CTCF: variants seen among roughly 807,000 people sequenced by gnomAD.
The protein encoded by CTCF is CCCTC-binding factor, also known as transcriptional repressor CTCF.
In CTCF, 7 loss-of-function variants were observed where a neutral mutation model predicts 72.3. That is an observed-to-expected ratio of 0.10 (90% CI 0.06 to 0.18). CTCF has a LOEUF of 0.18. Ranked by LOEUF, CTCF falls within the 10% of genes least tolerant of loss-of-function variation. CTCF has a pLI of 1.00. For synonymous variants in CTCF, 374 were observed against 315.8 expected, an observed-to-expected ratio of 1.18 and a Z score of -1.95; for missense variants, 516 against 949.1, an observed-to-expected ratio of 0.54 and a Z score of 6.00.
intron 1 of CTCF, among the ~76,000 whole-genome samples, chr16:67,569,977 T>C (rs2051392481): frequency 6.6e-6 from 1 of 152,214 alleles, no homozygotes; most frequent in Non-Finnish European, 1.5e-5. Flanking sequence ...AAGCATAGCC[T>C]TTACTTGTGG....
intron 1 of CTCF, among the ~76,000 whole-genome samples, chr16:67,565,674 A>C (rs2051333833): frequency 8.2e-6 from 1 of 122,260 alleles, no homozygotes; most frequent in Non-Finnish European, 1.6e-5. Flanking sequence ...CTCTTATCTC[A>C]AAAAAAAAAA....
chr16:67,637,880 G>A lies in CTCF; in HGVS notation c.*8G>A. On this transcript the variant is annotated 3_prime_UTR_variant, in exon 12 of 12. Coordinates refer to ENST00000264010, the MANE Select transcript of CTCF (RefSeq NM_006565.4). ...AGCATGATGGACCGGTGATGGCGGA[G>A]CCTTGTGCGTCGCCAGGACTTCTCT... The A allele has an allele frequency of 6.3e-7, 1 of 1,598,120 alleles. No homozygotes were observed. The highest frequency in any genetic ancestry group is 8.5e-7 in the Non-Finnish European group (1 of 1,170,972).
chr16:67,593,752 C>T (rs2051776550), intron 2 of CTCF, among the ~76,000 whole-genome samples: 1 of 151,980 alleles, frequency 6.6e-6, no homozygotes, highest in Admixed American at 6.6e-5. Context: ...ATCAGTTGCC[C>T]CTTATAATGG....
intron 6 of CTCF, 33 bp from the exon 7 acceptor site, chr16:67,621,409 C>G: frequency 6.7e-7 from 1 of 1,484,002 alleles, no homozygotes. Flanking sequence ...TTATTCATTT[C>G]ATTTATGTGT....
intron 2 of CTCF, among the ~76,000 whole-genome samples, chr16:67,594,304 A>T (rs771849708): frequency 7.3e-5 from 11 of 151,682 alleles, no homozygotes; most frequent in Admixed American, 2.6e-4. Context: ...GGATCACTTG[A>T]ACCCAGGATG....
At chr16:67,563,823 C>T (rs533750572) in intron 1 of CTCF, 1 of 152,324 alleles carries the variant, frequency 6.6e-6, no homozygotes, top group East Asian at 1.9e-4. Flanking sequence ...ACCTGATGCT[C>T]TAGGGCTAGG....
intron 7 of CTCF, among the ~76,000 whole-genome samples, chr16:67,625,862 T>TGAGA (rs1377184648): frequency 1.6e-5 from 2 of 127,118 alleles, no homozygotes; most frequent in Non-Finnish European, 3.1e-5. Flanking sequence ...TAAGCCCTCT[T>TGAGA]CCACTATTCT....
chr16:67,623,759 T>A (rs1220261219), intron 7 of CTCF, among the ~76,000 whole-genome samples: 3 of 149,130 alleles, frequency 2.0e-5, no homozygotes, highest in African/African-American at 7.4e-5. Flanking sequence ...TTAAAATAAA[T>A]AAAAATATAG....
At chr16:67,574,650 CTTTTTTTTTTTTT>C (rs1162960134) in intron 2 of CTCF, among the ~76,000 whole-genome samples, 2 of 97,002 alleles carry the variant, frequency 2.1e-5, no homozygotes, top group Middle Eastern at 7.8e-3. Flanking sequence ...CCAAAAGCAT[CTTTTTTTTTTTTT>C]TTTTTTTTTT....
At chr16:67,622,560 G>A (rs1354248242) in intron 7 of CTCF, among the ~76,000 whole-genome samples, 6 of 151,970 alleles carry the variant, frequency 3.9e-5, no homozygotes, top group African/African-American at 1.5e-4. Flanking sequence ...GTTCTTGTCA[G>A]GTGTGCTCCA....
At chr16:67,624,421 C>G (rs948736669) in intron 7 of CTCF, among the ~76,000 whole-genome samples, 3 of 152,036 alleles carry the variant, frequency 2.0e-5, no homozygotes, top group African/African-American at 7.2e-5. Context: ...ATGACTTGAT[C>G]TGTTAGCAGT....
chr16:67,563,235 G>T (rs1402787333), intron 1 of CTCF: 2 of 152,296 alleles, frequency 1.3e-5, no homozygotes, highest in Non-Finnish European at 2.9e-5. Context: ...TGGGTGTCGG[G>T]CCCTGGCCGT....
intron 10 of CTCF, 52 bp from the exon 11 acceptor site, chr16:67,636,638 C>T (rs1567619892): frequency 3.6e-6 from 5 of 1,374,406 alleles, no homozygotes; most frequent in East Asian, 5.1e-5. Context: ...CTTTCATCTT[C>T]CACCACCCTT....
chr16:67,601,736 G>A (rs954385416), intron 2 of CTCF, among the ~76,000 whole-genome samples: 10 of 151,960 alleles, frequency 6.6e-5, no homozygotes, highest in Non-Finnish European at 1.3e-4. Flanking sequence ...CAGTGAGACA[G>A]TACTCTGTCA....
chr16:67,576,737 A>G (rs922051297), intron 2 of CTCF, among the ~76,000 whole-genome samples: 11 of 151,916 alleles, frequency 7.2e-5, no homozygotes, highest in Non-Finnish European at 1.6e-4. Flanking sequence ...TCACCATGTT[A>G]GCCAGGATGG....
chr16:67,627,916 C>G (rs1425623113), intron 8 of CTCF: 1 of 146,074 alleles, frequency 6.8e-6, no homozygotes, highest in African/African-American at 2.6e-5. Context: ...GAGTGAGACT[C>G]CATCTCAAAA....
intron 2 of CTCF, among the ~76,000 whole-genome samples, chr16:67,602,789 C>T (rs1281327560): frequency 2.1e-5 from 3 of 145,920 alleles, no homozygotes; most frequent in Non-Finnish European, 3.0e-5. Flanking sequence ...TGTGTTCAGC[C>T]GAGATTGCGC....
chr16:67,576,822 G>A (rs1381481291), intron 2 of CTCF, among the ~76,000 whole-genome samples: 1 of 152,106 alleles, frequency 6.6e-6, no homozygotes, highest in African/African-American at 2.4e-5. Context: ...GAGCCACCGT[G>A]CCTGGCCTTA....
At chr16:67,592,762 A>G (rs934502040) in intron 2 of CTCF, among the ~76,000 whole-genome samples, 5 of 151,390 alleles carry the variant, frequency 3.3e-5, no homozygotes, top group African/African-American at 4.9e-5. Flanking sequence ...TGACTGGCTC[A>G]ACGTCAGTAA....
Sources: allele counts gnomAD v4.1 joint callset (sites outside exome capture counted in the v4.1 genomes callset), GRCh38; gene constraint gnomAD v4.1.1; transcripts MANE v1.5; gene names NCBI Gene and HGNC (gene_info 2026-07-23, HGNC 2026-07-21).